FAM149A: variants seen among roughly 807,000 people sequenced by gnomAD.
The protein encoded by FAM149A is family with sequence similarity 149 member A.
A neutral mutation model predicts 78.2 loss-of-function variants in FAM149A; 71 were observed. That is an observed-to-expected ratio of 0.91 (90% CI 0.75 to 1.11). FAM149A has a LOEUF of 1.11. Ranked by LOEUF, FAM149A falls within the 50% of genes least tolerant of loss-of-function variation. The pLI is 0.00. For missense variants in FAM149A, 1,036 were observed against 971.0 expected (o/e 1.07, Z -0.89); for synonymous variants, 446 against 410.5 (o/e 1.09, Z -1.04).
At chr4:186,130,293 C>CTCTCTCTCTCTCTCTCTCTATATATATA in intron 1 of FAM149A, 20 of 46,574 alleles carry the variant, frequency 4.3e-4, no homozygotes, top group South Asian at 1.1e-3. Context: ...CTCTCTCTCT[C>CTCTCTCTCTCTCTCTCTCTATATATATA]TATATATATA....
intron 1 of FAM149A, chr4:186,126,925 G>A (rs367712268): frequency 1.0e-6 from 1 of 985,260 alleles, no homozygotes; most frequent in Non-Finnish European, 1.2e-6. Flanking sequence ...TCACAATTCT[G>A]TGGTGATTTT....
chr4:186,152,074 G>A, intron 4 of FAM149A, 29 bp downstream of exon 4: 1 of 1,611,676 alleles, frequency 6.2e-7, no homozygotes, highest in Non-Finnish European at 8.5e-7. Flanking sequence ...AAGTTCTCTG[G>A]GGTGGGTTTT....
At chr4:186,170,380 C>T (rs1735424079) in intron 13 of FAM149A, among the ~76,000 whole-genome samples, 1 of 152,238 alleles carries the variant, frequency 6.6e-6, no homozygotes. Context: ...GCAGATAACG[C>T]AGTGCCTGGT....
At chr4:186,130,314 T>TATAA (rs141900902) in intron 1 of FAM149A, among the ~76,000 whole-genome samples, 6,225 of 116,354 alleles carry the variant, frequency 0.054, 324 homozygotes, top group African/African-American at 0.078. Flanking sequence ...TATATATATA[T>TATAA]AATCTATATC....
intron 9 of FAM149A, 125 bp downstream of exon 9, chr4:186,163,073 T>A (rs1234011911): frequency 1.5e-6 from 1 of 662,190 alleles, no homozygotes; most frequent in African/African-American, 1.8e-5. Flanking sequence ...CAGATGTGCC[T>A]GAGCACGTCT....
intron 1 of FAM149A, among the ~76,000 whole-genome samples, chr4:186,111,826 G>A (rs1579764686): frequency 6.6e-6 from 1 of 151,516 alleles, no homozygotes; most frequent in African/African-American, 2.4e-5. Flanking sequence ...AAGTCAGGTA[G>A]TGTGATGCCT....
chr4:186,165,123 C>T (rs1734927883), intron 10 of FAM149A, among the ~76,000 whole-genome samples: 1 of 152,218 alleles, frequency 6.6e-6, no homozygotes, highest in East Asian at 1.9e-4. Context: ...TCACCTCCAT[C>T]CTCTGTCTTT....
intron 1 of FAM149A, chr4:186,125,886 C>T (rs190501423): frequency 2.6e-5 from 26 of 985,298 alleles, no homozygotes; most frequent in Admixed American, 1.2e-4. Flanking sequence ...ATCACACGAA[C>T]GAGTGTGGCA....
intron 1 of FAM149A, chr4:186,133,296 C>A: frequency 1.4e-6 from 1 of 697,330 alleles, no homozygotes; most frequent in Non-Finnish European, 1.8e-6. Context: ...CACCGCCATC[C>A]ATCTCCAGAA....
intron 1 of FAM149A, among the ~76,000 whole-genome samples, chr4:186,146,003 A>AAAAAAG (rs1024415015): frequency 1.3e-5 from 2 of 152,132 alleles, no homozygotes; most frequent in African/African-American, 2.4e-5. Context: ...AAGAGAAAAA[A>AAAAAAG]AAAAAGAAAA....
intron 1 of FAM149A, among the ~76,000 whole-genome samples, chr4:186,121,522 G>T (rs1029285733): frequency 6.6e-6 from 1 of 152,074 alleles, no homozygotes; most frequent in African/African-American, 2.4e-5. Context: ...TTAAAACTTA[G>T]TCATTAACTT....
rs1460287220 is a variant in FAM149A at position 186,172,698 on chromosome 4, A to C, written c.*711A>C. ...ATGTCATCTTTATTGTTTACAGTCG[A>C]AGCTCCTCCATGGGAGGGGAGCCTC... is the stretch of plus-strand genomic sequence containing the variant. On this transcript the variant is annotated 3_prime_UTR_variant, in exon 14 of 14. Coordinates refer to ENST00000389354, the MANE Select transcript of FAM149A (RefSeq NM_001367768.3). 8.9e-6 allele frequency: 1 copy of C among 112,092 alleles called. No homozygotes were observed. The highest frequency in any genetic ancestry group is 2.2e-4 in the East Asian group (1 of 4,488). The allele number at this position is 112,092 out of a possible 1,614,324, so 6.9% of individuals were successfully genotyped here. A position where few individuals can be genotyped will look rare whatever the true frequency, so the allele number is the denominator to read the frequency against.
rs540096205 is a variant in FAM149A at position 186,160,112 on chromosome 4, C to T, written c.1575+2393C>T. On this transcript the variant is annotated intron_variant, in intron 8 of 13. Transcript: ENST00000389354. Reference sequence around the variant, plus strand: ...TACCACATACACACTACACACACCACGCACACACACCACACACCAAACACA... The same window carrying T: ...TACCACATACACACTACACACACCATGCACACACACCACACACCAAACACA... Among the ~76,000 whole-genome samples the T allele has an allele frequency of 4.8e-4, 67 of 138,848 alleles. No homozygotes were observed. In the South Asian group the frequency reaches 7.3e-3, roughly 15 times the overall value. The allele number at this position is 138,848 out of a possible 152,430, so 91.1% of individuals were successfully genotyped here.
chr4:186,116,273 A>C (rs1035296665), intron 1 of FAM149A: 1 of 171,380 alleles, frequency 5.8e-6, no homozygotes, highest in Non-Finnish European at 1.1e-5. Context: ...GCGCGCACCC[A>C]CTGACCTGCG....
At position 186,109,262 on chromosome 4, in the gene FAM149A, G is replaced by C. The variant is rs543566967; in HGVS notation, c.566+3620G>C. ...TAGAGTGTAAACTTCTAGTCAGGAA[G>C]TATTTATAGCTTGTATAAGTCATAG... On this transcript the variant is annotated intron_variant, in intron 1 of 13. Coordinates refer to ENST00000389354, the MANE Select transcript of FAM149A (RefSeq NM_001367768.3). 3.3e-6 allele frequency: 3 copies of C among 905,420 alleles called. No individual in the cohort carries two copies. In the African/African-American group the frequency reaches 5.4e-5, roughly 16 times the overall value. The allele number at this position is 905,420 out of a possible 1,614,324, so 56.1% of individuals were successfully genotyped here.
At chr4:186,123,434 C>G (rs1441839849) in intron 1 of FAM149A, 1 of 918,836 alleles carries the variant, frequency 1.1e-6, no homozygotes, top group Admixed American at 6.2e-5. Context: ...TATGTTCTTG[C>G]TGGATATGCA....
intron 1 of FAM149A, among the ~76,000 whole-genome samples, chr4:186,141,389 T>C (rs1236820245): frequency 6.6e-6 from 1 of 152,198 alleles, no homozygotes; most frequent in African/African-American, 2.4e-5. Context: ...TTAAAATATA[T>C]CATTAAAATT....
chr4:186,128,007 T>TTTTTTTTTA (rs2099319103), intron 1 of FAM149A, among the ~76,000 whole-genome samples: 2 of 143,568 alleles, frequency 1.4e-5, no homozygotes, highest in African/African-American at 2.6e-5. Flanking sequence ...TTTTTTTTTT[T>TTTTTTTTTA]GATACGGAGT....
chr4:186,104,821 C>CG lies in FAM149A; in HGVS notation c.-251dup, dbSNP rs1171050390. 6 of 421,474 alleles carry CG rather than the reference C, an allele frequency of 1.4e-5. No homozygotes were observed. Among genetic ancestry groups the CG allele is most frequent in the Non-Finnish European group, 1.9e-5 (6 of 315,226 alleles). 26.1% of individuals were successfully genotyped at this position (421,474 alleles called of 1,614,324 possible). On this transcript the variant is annotated 5_prime_UTR_variant, in exon 1 of 14. Transcript: ENST00000389354. ...CCGGGGCTCCTGGCCCTTCGGCCCT[C>CG]GGGGGTCTCACGGCGCTGGGACGAG...
Sources: allele counts gnomAD v4.1 joint callset (sites outside exome capture counted in the v4.1 genomes callset), GRCh38; gene constraint gnomAD v4.1.1; transcripts MANE v1.5; gene names NCBI Gene and HGNC (gene_info 2026-07-23, HGNC 2026-07-21).